ANXA10: variants seen among roughly 807,000 people sequenced by gnomAD.
ANXA10 encodes the protein annexin 14.
Under a neutral mutation model 53.5 loss-of-function variants are expected in ANXA10, and 49 were observed. The observed-to-expected ratio is 0.92, with a 90% CI of 0.73 to 1.16. ANXA10 has a LOEUF of 1.16. Ranked by LOEUF, ANXA10 falls within the 50% of genes most tolerant of loss-of-function variation. The pLI is 0.00. For missense variants in ANXA10, 393 were observed against 394.4 expected (o/e 1.00, Z 0.03); for synonymous variants, 131 against 128.9 (o/e 1.02, Z -0.11).
At chr4:168,121,545 TATC>T (rs1730985298) in intron 1 of ANXA10, among the ~76,000 whole-genome samples, 1 of 152,150 alleles carries the variant, frequency 6.6e-6, no homozygotes, top group Non-Finnish European at 1.5e-5. Flanking sequence ...ATAGTTTAAT[TATC>T]ATTTAATAAT....
chr4:168,158,683 A>G (rs1046864231), intron 3 of ANXA10, among the ~76,000 whole-genome samples: 1 of 152,178 alleles, frequency 6.6e-6, no homozygotes, highest in Non-Finnish European at 1.5e-5. Flanking sequence ...TCCCTGTAGA[A>G]ATTTTGTAAA....
At chr4:168,118,890 T>G (rs922757439) in intron 1 of ANXA10, among the ~76,000 whole-genome samples, 19 of 152,142 alleles carry the variant, frequency 1.2e-4, no homozygotes, top group Non-Finnish European at 2.2e-4. Context: ...TTTTTATTAA[T>G]AAATTTTGTA....
intron 1 of ANXA10, among the ~76,000 whole-genome samples, chr4:168,100,914 A>G (rs192679113): frequency 7.2e-5 from 11 of 152,272 alleles, no homozygotes; most frequent in Admixed American, 2.0e-4. Context: ...TAAAATAAGC[A>G]CAGTGCAACT....
chr4:168,179,204 C>T lies in ANXA10; in HGVS notation c.629-13C>T, dbSNP rs1220024117. On this transcript the variant is annotated splice_polypyrimidine_tract_variant and intron_variant, in intron 8 of 11. Transcript: ENST00000359299. ...TTTCAAAATCTCCTTTGAATTACAT[C>T]AATTTGTTAAAGTTTTCCAGGAATT... is the stretch of plus-strand genomic sequence containing the variant. 9 of 1,515,094 alleles carry T rather than the reference C, an allele frequency of 5.9e-6. 1 individual carries two copies. In the East Asian group the frequency reaches 1.8e-4, roughly 30 times the overall value. 93.9% of individuals were successfully genotyped at this position (1,515,094 alleles called of 1,614,324 possible).
intron 3 of ANXA10, among the ~76,000 whole-genome samples, chr4:168,140,531 T>C (rs1012249678): frequency 6.6e-6 from 1 of 152,244 alleles, no homozygotes. Context: ...GTACTAGTTT[T>C]CTTTTGAAAG....
intron 1 of ANXA10, among the ~76,000 whole-genome samples, chr4:168,103,157 A>G (rs1730667701): frequency 6.6e-6 from 1 of 152,034 alleles, no homozygotes; most frequent in African/African-American, 2.4e-5. Flanking sequence ...TCACCAAGCA[A>G]AAGTTTTCAG....
intron 2 of ANXA10, among the ~76,000 whole-genome samples, chr4:168,128,740 A>C (rs1731112615): frequency 1.3e-5 from 2 of 152,020 alleles, no homozygotes. Context: ...CAGCTATGCC[A>C]ACCCCCCAGG....
intron 1 of ANXA10, among the ~76,000 whole-genome samples, chr4:168,099,306 T>C (rs2149463871): frequency 6.6e-6 from 1 of 152,240 alleles, no homozygotes; most frequent in East Asian, 1.9e-4. Flanking sequence ...CTGAAAATAT[T>C]GTTTGAAAAG....
rs376382338 is a variant in ANXA10, at chr4:168,166,217, T to C, written c.480+891T>C. ...TAATAAGTAGAAATCCAGAATTTGA[T>C]TGAATGCTAGAGACTCTAAATGCCA... On this transcript the variant is annotated intron_variant, in intron 6 of 11. Coordinates refer to ENST00000359299, the MANE Select transcript of ANXA10 (RefSeq NM_007193.5). 4.6e-5 allele frequency among the ~76,000 whole-genome samples: 7 copies of C among 152,318 alleles called. No individual in the cohort carries two copies. The East Asian group carries it at 1.3e-3, about 29-fold the overall frequency.
chr4:168,174,243 T>TTAGTA (rs1732074075), intron 6 of ANXA10, among the ~76,000 whole-genome samples: 1 of 152,200 alleles, frequency 6.6e-6, no homozygotes, highest in Non-Finnish European at 1.5e-5. Context: ...TGGCTCCACA[T>TTAGTA]GCCCCCTTTA....
chr4:168,139,641 C>A, intron 3 of ANXA10, 61 bp downstream of exon 3: 2 of 1,267,360 alleles, frequency 1.6e-6, no homozygotes, highest in Non-Finnish European at 2.2e-6. Flanking sequence ...ACCACACTCA[C>A]GGATAATAGG....
intron 3 of ANXA10, among the ~76,000 whole-genome samples, chr4:168,150,933 G>A (rs147774371): frequency 5.9e-5 from 9 of 152,206 alleles, no homozygotes; most frequent in African/African-American, 2.2e-4. Flanking sequence ...CCAAAGGGCT[G>A]GTTTCTGGTT....
chr4:168,114,065 G>T (rs1381792868), intron 1 of ANXA10, among the ~76,000 whole-genome samples: 1 of 152,088 alleles, frequency 6.6e-6, no homozygotes, highest in Non-Finnish European at 1.5e-5. Flanking sequence ...GGGCAATTTG[G>T]TTATTTCTTT....
chr4:168,162,497 A>C (rs762462705), intron 3 of ANXA10, 31 bp from the exon 4 acceptor site: 1 of 1,512,118 alleles, frequency 6.6e-7, no homozygotes, highest in Admixed American at 1.7e-5. Flanking sequence ...TTGGTAACAT[A>C]TAATAAATAT....
In ANXA10 at chr4:168,117,063, T is replaced by G. The variant is rs577630010; in HGVS notation, c.19-11021T>G. ...ATCTGTATCTCATTAGTCTTAGCCT[T>G]GGCTAATTGTAAACATCAAATCCAT... is the stretch of plus-strand genomic sequence containing the variant. On this transcript the variant is annotated intron_variant, in intron 1 of 11. Coordinates refer to ENST00000359299, the MANE Select transcript of ANXA10 (RefSeq NM_007193.5). Among the ~76,000 whole-genome samples the G allele has an allele frequency of 2.0e-5, 3 of 152,210 alleles. No individual in the cohort carries two copies. In the South Asian group the frequency reaches 6.2e-4, roughly 32 times the overall value.
chr4:168,147,085 T>C (rs143339288), intron 3 of ANXA10, among the ~76,000 whole-genome samples: 1 of 152,260 alleles, frequency 6.6e-6, no homozygotes, highest in East Asian at 1.9e-4. Context: ...TCCCCAAAAG[T>C]TTCCCCCAGT....
At chr4:168,181,068 T>C (rs1327043055) in intron 9 of ANXA10, among the ~76,000 whole-genome samples, 1 of 152,108 alleles carries the variant, frequency 6.6e-6, no homozygotes, top group African/African-American at 2.4e-5. Context: ...ATAATAATAA[T>C]CTATAATAGT....
chr4:168,156,084 TATA>T (rs1211419585), intron 3 of ANXA10, among the ~76,000 whole-genome samples: 16 of 69,784 alleles, frequency 2.3e-4, no homozygotes, highest in East Asian at 1.2e-3. Context: ...ATATATTATA[TATA>T]ATATTTATTA....
At chr4:168,096,911 C>CATATATATATATATATATATGTATGT (rs35451323) in intron 1 of ANXA10, among the ~76,000 whole-genome samples, 1 of 109,660 alleles carries the variant, frequency 9.1e-6, no homozygotes, top group African/African-American at 5.1e-5. Context: ...AATACAAATG[C>CATATATATATATATATATATGTATGT]ATATATATAT....
Sources: gnomAD v4.1 joint callset for allele counts (sites outside exome capture counted in the v4.1 genomes callset) on GRCh38, gnomAD v4.1.1 for gene constraint, MANE v1.5 for transcripts, NCBI Gene and HGNC (gene_info 2026-07-23, HGNC 2026-07-21) for gene names.